Variants in BCORL1 observed in about 807,000 individuals in gnomAD.
The protein encoded by BCORL1 is BCL6 corepressor like 1.
Under a neutral mutation model 87.6 loss-of-function variants are expected in BCORL1, and 7 were observed. The ratio of observed to expected loss-of-function variants is 0.08; its 90% confidence interval spans 0.05 to 0.15. The LOEUF (loss-of-function observed/expected upper bound fraction) is 0.15, where lower values mean the gene tolerates loss of function less well. Ranked by LOEUF, BCORL1 falls within the 10% of genes least tolerant of loss-of-function variation. BCORL1 has a pLI of 1.00. For synonymous variants in BCORL1, 591 were observed against 634.4 expected (o/e 0.93, Z 1.03); for missense variants, 1,215 against 1,499.7 (o/e 0.81, Z 3.13).
chrX:130,018,422 A>C (rs924604045), intron 4 of BCORL1, among the ~76,000 whole-genome samples: 5 of 112,275 alleles, frequency 4.5e-5, no homozygotes, highest in Non-Finnish European at 7.5e-5. Context: ...CTCTATGACT[A>C]TACTAAAAAC....
intron 11 of BCORL1, among the ~76,000 whole-genome samples, chrX:130,049,417 C>G (rs1399359151): frequency 1.8e-5 from 2 of 112,200 alleles, no homozygotes; most frequent in African/African-American, 3.2e-5. Flanking sequence ...AGTACAATGG[C>G]ATTATCTTGG....
chrX:130,041,548 G>A (rs1931318431), intron 11 of BCORL1, among the ~76,000 whole-genome samples: 1 of 112,110 alleles, frequency 8.9e-6, no homozygotes, highest in Non-Finnish European at 1.9e-5. Flanking sequence ...TGGCCAGGCT[G>A]GTCTCGAACT....
chrX:129,980,337 C>T (rs888411217), upstream of BCORL1, among the ~76,000 whole-genome samples: 5 of 112,963 alleles, frequency 4.4e-5, no homozygotes, highest in Admixed American at 9.2e-5. Context: ...CCCGCTTCCC[C>T]GGCGGCGTGG....
At chrX:130,039,040 G>T in intron 10 of BCORL1, 97 bp from the exon 11 acceptor site, 2 of 995,329 alleles carry the variant, frequency 2.0e-6, no homozygotes, top group Non-Finnish European at 2.8e-6. Context: ...TTACCTGGGG[G>T]TCAGCTCAGT....
chrX:130,039,395 A>G, intron 11 of BCORL1, 113 bp downstream of exon 11: 1 of 928,221 alleles, frequency 1.1e-6, no homozygotes. Context: ...CATGAGGGCC[A>G]TCTGCCCTCT....
chrX:129,984,360 C>T (rs1316097177), intron 1 of BCORL1, among the ~76,000 whole-genome samples: 1 of 97,434 alleles, frequency 1.0e-5, no homozygotes, highest in Non-Finnish European at 2.1e-5. Context: ...GTGGAGCCCC[C>T]GACGGGGGGC....
intron 10 of BCORL1, among the ~76,000 whole-genome samples, chrX:130,038,173 G>A (rs1053989318): frequency 8.9e-6 from 1 of 111,786 alleles, no homozygotes; most frequent in African/African-American, 3.3e-5. Flanking sequence ...GGTGGGGGAC[G>A]TGTCTCAGAC....
chrX:129,990,453 A>T (rs777594108), intron 1 of BCORL1, among the ~76,000 whole-genome samples: 3 of 109,644 alleles, frequency 2.7e-5, no homozygotes, highest in African/African-American at 3.3e-5. Flanking sequence ...GGATGGTCTC[A>T]ATCTCCTCAC....
Position 130,025,056 on chromosome X carries a change from C to T in BCORL1, c.3755C>T (p.Thr1252Ile), listed in dbSNP as rs369155489. The change falls in exon 7 of 14, where the codon ACA (threonine) becomes ATA (isoleucine). Residue 1252 changes from threonine to isoleucine, a missense_variant. Around this residue, in one of 5 missense-constraint regions of BCORL1, gnomAD observed 166 missense variants for 196.5 expected, o/e 0.84. Transcript: ENST00000540052. ...ATGGGAAGCCAGGAAGTCTTCCCCACAGAAGAAGAAGAGGAGGTAACCCCC... is the reference window on the plus strand; with the variant it reads ...ATGGGAAGCCAGGAAGTCTTCCCCATAGAAGAAGAAGAGGAGGTAACCCCC... The part of the protein sequence containing the change: ...SDMGSQEVFP[T>I]EEEEEVTPTP... 4 of 1,211,846 alleles carry T rather than the reference C, an allele frequency of 3.3e-6. No homozygotes were observed. The highest frequency in any genetic ancestry group is 4.5e-6 in the Non-Finnish European group (4 of 895,464).
At position 130,039,209 on chromosome X, in the gene BCORL1, C is replaced by T. The variant is rs1569385659; in HGVS notation, c.4767C>T (p.Pro1589=). The T allele has an allele frequency of 1.7e-6, 2 of 1,211,529 alleles. No homozygotes were observed. Among genetic ancestry groups the T allele is most frequent in the Admixed American group, 2.2e-5 (1 of 46,021 alleles). The change falls in exon 11 of 14, where the codon CCC becomes CCT. Residue 1589 remains proline, a synonymous_variant. Coordinates refer to ENST00000540052, the MANE Select transcript of BCORL1 (RefSeq NM_001379451.1). ...IWLLLSYGAD[P]TLATYSGQTA... is the part of the protein sequence containing the mutation. ...TCCTGCTGTCCTATGGGGCCGATCC[C>T]ACACTGGCTACCTACTCGGGTCAGA... is the stretch of plus-strand genomic sequence containing the variant.
intron 1 of BCORL1, among the ~76,000 whole-genome samples, chrX:130,001,013 A>G (rs769996283): frequency 1.8e-3 from 204 of 111,042 alleles, no homozygotes; most frequent in African/African-American, 6.4e-3. Flanking sequence ...TCCATATAAC[A>G]TGCATTTACT....
At chrX:129,998,555 G>GA (rs1295276994) in intron 1 of BCORL1, among the ~76,000 whole-genome samples, 2 of 112,014 alleles carry the variant, frequency 1.8e-5, no homozygotes, top group Non-Finnish European at 3.8e-5. Context: ...TAGGCCTACT[G>GA]AATCAGAATC....
chrX:130,005,305 T>C lies in BCORL1; in HGVS notation c.74T>C (p.Ile25Thr). 1 of 1,211,397 alleles carries C rather than the reference T, an allele frequency of 8.3e-7. No individual in the cohort carries two copies. ...TCTGACCGGATTCGCATGTGTGGCATCAACGAGGAGAGGTGAGGAGGCCAG... is the reference window on the plus strand; with the variant it reads ...TCTGACCGGATTCGCATGTGTGGCACCAACGAGGAGAGGTGAGGAGGCCAG... Reference protein sequence around the residue: ...TSSDRIRMCGINEERRAPLSD... With the variant: ...TSSDRIRMCGTNEERRAPLSD... The change falls in exon 2 of 14, where the codon ATC becomes ACC. Residue 25 changes from isoleucine (I) to threonine (T), a missense_variant. Physicochemically the swap from Ile to Thr is moderately conservative, Grantham distance 89. Around this residue, in one of 5 missense-constraint regions of BCORL1, gnomAD observed 861 missense variants for 1,010.0 expected, o/e 0.85. Transcript: ENST00000540052.
Position 130,050,789 on chromosome X carries a change from T to C in BCORL1, c.4913T>C (p.Val1638Ala), listed in dbSNP as rs1452480463. The C allele has an allele frequency of 8.3e-7, 1 of 1,206,915 alleles. No individual in the cohort carries two copies. The highest frequency in any genetic ancestry group is 1.1e-6 in the Non-Finnish European group (1 of 891,355). ...TCCTGGGATTTTTACAGCAGTTCTG[T>C]GTTGGGTAAGTTTTAAGTGAGATTC... ...GVSWDFYSSS[V>A]LEEKDGFACD... is the part of the protein sequence containing the mutation. Residue 1638 changes from valine (V) to alanine (A), a missense_variant, in exon 12 of 14, where the codon GTG becomes GCG. Transcript: ENST00000540052.
At chrX:130,030,300 C>T (rs1930508784) in intron 8 of BCORL1, among the ~76,000 whole-genome samples, 1 of 111,623 alleles carries the variant, frequency 9.0e-6, no homozygotes, top group Non-Finnish European at 1.9e-5. Context: ...TTCCCTTGAC[C>T]CCCTAGAGTG....
chrX:130,008,388 C>A (rs1315408208), intron 2 of BCORL1, among the ~76,000 whole-genome samples: 1 of 110,362 alleles, frequency 9.1e-6, no homozygotes, highest in Non-Finnish European at 1.9e-5. Flanking sequence ...CTCAGCCTCC[C>A]GAGTAGCTGG....
intron 2 of BCORL1, 128 bp downstream of exon 2, chrX:130,005,445 A>G: frequency 3.4e-6 from 2 of 593,208 alleles, no homozygotes; most frequent in Non-Finnish European, 5.4e-6. Flanking sequence ...GTTGTTTCTA[A>G]TTTTCCTGTG....
At chrX:130,023,169 G>T (rs1929974523) in intron 6 of BCORL1, among the ~76,000 whole-genome samples, 192 bp downstream of exon 6, 1 of 111,491 alleles carries the variant, frequency 9.0e-6, no homozygotes, top group Non-Finnish European at 1.9e-5. Flanking sequence ...CTCAAATATT[G>T]CCCACTGTTT....
At chrX:130,005,355 G>T (rs777018072) in intron 2 of BCORL1, 38 bp downstream of exon 2, 3 of 1,132,522 alleles carry the variant, frequency 2.6e-6, no homozygotes, top group African/African-American at 3.6e-5. Flanking sequence ...CTGGCCTCCA[G>T]TGAGCAGTAC....
Sources: gnomAD v4.1 joint callset for allele counts (sites outside exome capture counted in the v4.1 genomes callset) on GRCh38, gnomAD v4.1.1 for gene constraint, gnomAD v4.1.1 regional missense constraint, MANE v1.5 for transcripts, NCBI Gene and HGNC (gene_info 2026-07-23, HGNC 2026-07-21) for gene names.